PCDHA12: variants seen among roughly 807,000 people sequenced by gnomAD.
PCDHA12 encodes protocadherin alpha-12.
A neutral mutation model predicts 60.0 loss-of-function variants in PCDHA12; 44 were observed. That is an observed-to-expected ratio of 0.73 (90% confidence interval 0.58 to 0.94). The LOEUF (loss-of-function observed/expected upper bound fraction) is 0.94, where lower values mean the gene tolerates loss of function less well. Ranked by LOEUF, PCDHA12 falls within the 40% of genes least tolerant of loss-of-function variation. The pLI is 0.00. For synonymous variants in PCDHA12, 569 were observed against 553.0 expected (o/e 1.03, Z -0.40); for missense variants, 1,276 against 1,239.7 (o/e 1.03, Z -0.44).
chr5:140,996,785 C>G (rs1423473534), intron 3 of PCDHA12, among the ~76,000 whole-genome samples: 2 of 152,148 alleles, frequency 1.3e-5, no homozygotes, highest in Admixed American at 6.5e-5. Context: ...TAGTGCCTCA[C>G]TCCCTACATC....
At chr5:140,968,845 G>A in intron 1 of PCDHA12, 1 of 1,614,176 alleles carries the variant, frequency 6.2e-7, no homozygotes. Flanking sequence ...ACACTCAGAG[G>A]CATGTTAAGA....
At chr5:140,879,512 G>C (rs1378276808) in intron 1 of PCDHA12, among the ~76,000 whole-genome samples, 1 of 152,156 alleles carries the variant, frequency 6.6e-6, no homozygotes, top group Non-Finnish European at 1.5e-5. Flanking sequence ...AGAGATTATT[G>C]ATATAGATTT....
At chr5:141,004,186 C>T (rs1554259505) in intron 3 of PCDHA12, among the ~76,000 whole-genome samples, 1 of 152,240 alleles carries the variant, frequency 6.6e-6, no homozygotes, top group Non-Finnish European at 1.5e-5. Flanking sequence ...CTTGAGTGCT[C>T]TTAACCAAAA....
chr5:140,905,472 C>T (rs782287736), intron 1 of PCDHA12, among the ~76,000 whole-genome samples: 14 of 152,042 alleles, frequency 9.2e-5, no homozygotes, highest in Non-Finnish European at 1.6e-4. Flanking sequence ...TAATGTGATG[C>T]CTTCAGATTT....
intron 3 of PCDHA12, among the ~76,000 whole-genome samples, chr5:141,007,967 G>A (rs1191510244): frequency 6.6e-6 from 1 of 152,176 alleles, no homozygotes; most frequent in Admixed American, 6.5e-5. Flanking sequence ...TTCTCTGGGT[G>A]TCTGTCATGT....
intron 3 of PCDHA12, among the ~76,000 whole-genome samples, chr5:141,005,573 G>A (rs947306752): frequency 4.0e-5 from 6 of 151,140 alleles, no homozygotes; most frequent in Admixed American, 1.3e-4. Context: ...ATGGTGGCGC[G>A]TGCCTGTAGT....
chr5:140,988,957 C>G (rs2097322513), intron 3 of PCDHA12: 1 of 152,120 alleles, frequency 6.6e-6, no homozygotes. Context: ...TTCCTTCAAG[C>G]CCCACGATGG....
intron 1 of PCDHA12, among the ~76,000 whole-genome samples, chr5:140,970,714 A>C (rs1554232672): frequency 6.6e-6 from 1 of 152,220 alleles, no homozygotes; most frequent in Non-Finnish European, 1.5e-5. Flanking sequence ...CAATGTGTGA[A>C]CAATATTTGT....
chr5:140,921,406 C>T (rs1436249655), intron 1 of PCDHA12, among the ~76,000 whole-genome samples: 8 of 152,092 alleles, frequency 5.3e-5, no homozygotes, highest in African/African-American at 1.9e-4. Flanking sequence ...CTAGATTTTC[C>T]TCTGTGCTGC....
intron 1 of PCDHA12, among the ~76,000 whole-genome samples, chr5:140,938,340 T>A (rs1210571018): frequency 6.6e-6 from 1 of 152,224 alleles, no homozygotes; most frequent in Non-Finnish European, 1.5e-5. Flanking sequence ...TAATGGATAA[T>A]CTTGTCTTAT....
At chr5:140,966,313 C>T (rs1349194825) in intron 1 of PCDHA12, 18 of 386,704 alleles carry the variant, frequency 4.7e-5, no homozygotes, top group African/African-American at 2.5e-4. Flanking sequence ...CGTGTTCCTG[C>T]GGTCCGCTGG....
At chr5:140,918,742 A>T (rs2078833886) in intron 1 of PCDHA12, among the ~76,000 whole-genome samples, 1 of 152,170 alleles carries the variant, frequency 6.6e-6, no homozygotes, top group Non-Finnish European at 1.5e-5. Context: ...GCCCTTATAA[A>T]AGAGGCCCAG....
At chr5:140,937,821 A>G (rs1270019197) in intron 1 of PCDHA12, among the ~76,000 whole-genome samples, 2 of 151,608 alleles carry the variant, frequency 1.3e-5, no homozygotes, top group Non-Finnish European at 2.9e-5. Flanking sequence ...CTGAGGCAGG[A>G]GAATGGCATG....
chr5:140,928,125 C>T, intron 1 of PCDHA12: 2 of 1,614,154 alleles, frequency 1.2e-6, no homozygotes, highest in Non-Finnish European at 1.7e-6. Context: ...TCAGTGAATA[C>T]CAAGTCCTGA....
chr5:140,980,608 G>A (rs994415170), intron 2 of PCDHA12, among the ~76,000 whole-genome samples: 6 of 151,850 alleles, frequency 4.0e-5, no homozygotes, highest in African/African-American at 7.3e-5. Context: ...CCAGCCTGGC[G>A]ACAGTGCGAG....
intron 3 of PCDHA12, among the ~76,000 whole-genome samples, chr5:140,992,147 G>A (rs1304729438): frequency 2.0e-5 from 3 of 151,714 alleles, no homozygotes; most frequent in Non-Finnish European, 4.4e-5. Context: ...TGCTAACTTT[G>A]CTCAATCAAG....
Position 140,875,452 on chromosome 5 carries a change from C to CA in PCDHA12, c.-20dup. 6.3e-7 allele frequency: 1 copy of CA among 1,592,570 alleles called. No individual in the cohort carries two copies. Among genetic ancestry groups the CA allele is most frequent in the Non-Finnish European group, 8.6e-7 (1 of 1,169,304 alleles). On this transcript the variant is annotated 5_prime_UTR_variant, in exon 1 of 4. Coordinates refer to ENST00000398631, the MANE Select transcript of PCDHA12 (RefSeq NM_018903.4). ...TCCCTTAAAACTGATTGTCCCAACT[C>CA]AGAGGCCCTCATTTTCTGCAATGGT...
Position 140,876,762 on chromosome 5 carries a change from G to T in PCDHA12, c.1290G>T (p.Gly430=). 1 of 1,614,252 alleles carries T rather than the reference G, an allele frequency of 6.2e-7. No homozygotes were observed. The highest frequency in any genetic ancestry group is 1.1e-5 in the South Asian group (1 of 91,086). Residue 430 remains glycine, a synonymous_variant, in exon 1 of 4, where the codon GGG becomes GGT. Coordinates refer to ENST00000398631, the MANE Select transcript of PCDHA12 (RefSeq NM_018903.4). ...AYELVVTARD[G]GSPSLWATAR... Reference sequence around the variant, plus strand: ...AGCTGGTGGTGACTGCGCGGGATGGGGGCTCGCCTTCGCTGTGGGCCACGG... The same window carrying T: ...AGCTGGTGGTGACTGCGCGGGATGGTGGCTCGCCTTCGCTGTGGGCCACGG...
At chr5:140,925,665 A>C (rs2082643258) in intron 1 of PCDHA12, among the ~76,000 whole-genome samples, 1 of 149,266 alleles carries the variant, frequency 6.7e-6, no homozygotes, top group Non-Finnish European at 1.5e-5. Flanking sequence ...TAATAATAAT[A>C]ATAATAATAA....
Sources: gnomAD v4.1 joint callset for allele counts (sites outside exome capture counted in the v4.1 genomes callset) on GRCh38, gnomAD v4.1.1 for gene constraint, MANE v1.5 for transcripts, NCBI Gene and HGNC (gene_info 2026-07-23, HGNC 2026-07-21) for gene names.